SRP54: variants seen among roughly 807,000 people sequenced by gnomAD.
The protein encoded by SRP54 is signal recognition particle subunit SRP54.
A neutral mutation model predicts 64.8 loss-of-function variants in SRP54; 10 were observed. That is an observed-to-expected ratio of 0.15 (90% CI 0.10 to 0.26). SRP54 has a LOEUF of 0.26. Ranked by LOEUF, SRP54 falls within the 10% of genes least tolerant of loss-of-function variation. SRP54 has a pLI of 1.00. For missense variants in SRP54, 325 were observed against 613.7 expected (o/e 0.53, Z 4.97); for synonymous variants, 193 against 185.6 (o/e 1.04, Z -0.32).
intron 1 of SRP54, among the ~76,000 whole-genome samples, chr14:34,991,109 C>CTTTTTTTTTTTTTTTT (rs71435838): frequency 5.4e-5 from 6 of 111,080 alleles, no homozygotes; most frequent in Admixed American, 9.5e-5. Flanking sequence ...AATTTCTTTT[C>CTTTTTTTTTTTTTTTT]TTTTTTTTTT....
chr14:35,018,573 A>G, intron 11 of SRP54, 119 bp from the exon 12 acceptor site: 1 of 762,172 alleles, frequency 1.3e-6, no homozygotes, highest in Admixed American at 2.8e-5. Flanking sequence ...GTGAATATTT[A>G]TTGATGTATA....
chr14:35,006,551 G>A (rs1407596138), intron 4 of SRP54, among the ~76,000 whole-genome samples: 1 of 151,912 alleles, frequency 6.6e-6, no homozygotes, highest in Non-Finnish European at 1.5e-5. Context: ...TAATTTTTTA[G>A]ATGTATTGGG....
chr14:35,021,038 T>A (rs1479792941), intron 13 of SRP54, among the ~76,000 whole-genome samples: 1 of 152,230 alleles, frequency 6.6e-6, no homozygotes, highest in Non-Finnish European at 1.5e-5. Flanking sequence ...AATATATATG[T>A]TTCATAAATC....
At chr14:34,988,578 A>AAAAAAAAAAAAAAAATATAT (rs1384552218) in intron 1 of SRP54, among the ~76,000 whole-genome samples, 2 of 47,102 alleles carry the variant, frequency 4.2e-5, no homozygotes, top group Non-Finnish European at 9.6e-5. Flanking sequence ...AAAAAAAAAA[A>AAAAAAAAAAAAAAAATATAT]ATATATATAT....
intron 4 of SRP54, among the ~76,000 whole-genome samples, chr14:35,002,118 G>A (rs1445913550): frequency 6.6e-6 from 1 of 152,064 alleles, no homozygotes; most frequent in East Asian, 1.9e-4. Flanking sequence ...ACTGTGGGAG[G>A]CTGAGATGGG....
intron 7 of SRP54, among the ~76,000 whole-genome samples, chr14:35,009,144 TC>T (rs2044314977): frequency 6.6e-6 from 1 of 152,016 alleles, no homozygotes; most frequent in Non-Finnish European, 1.5e-5. Flanking sequence ...TGCCTCAGCC[TC>T]CCAAAGTGCT....
At position 35,029,182 on chromosome 14, in the gene SRP54, T is replaced by C; in HGVS notation, c.*30T>C. On this transcript the variant is annotated 3_prime_UTR_variant, in exon 16 of 16. Coordinates refer to ENST00000216774, the MANE Select transcript of SRP54 (RefSeq NM_003136.4). ...AATGCCTTAATATAAACTGACTCAGTTGAATACCTAATTTGCTGAGACCTC... is the reference window on the plus strand; with the variant it reads ...AATGCCTTAATATAAACTGACTCAGCTGAATACCTAATTTGCTGAGACCTC... 1.9e-6 allele frequency: 3 copies of C among 1,571,568 alleles called. No homozygotes were observed. The highest frequency in any genetic ancestry group is 1.7e-6 in the Non-Finnish European group (2 of 1,146,220).
At chr14:35,016,134 A>G (rs999718078) in intron 11 of SRP54, among the ~76,000 whole-genome samples, 4 of 152,122 alleles carry the variant, frequency 2.6e-5, no homozygotes, top group African/African-American at 7.2e-5. Flanking sequence ...CTGCCCTTCA[A>G]CTATGCTAGT....
At chr14:35,001,093 C>T in intron 4 of SRP54, 73 bp downstream of exon 4, 3 of 581,060 alleles carry the variant, frequency 5.2e-6, no homozygotes, top group Non-Finnish European at 8.2e-6. Context: ...ACAAATATTT[C>T]AGAATTTTTA....
intron 2 of SRP54, among the ~76,000 whole-genome samples, chr14:34,998,696 C>G (rs1397704559): frequency 2.0e-5 from 3 of 151,632 alleles, no homozygotes; most frequent in African/African-American, 7.3e-5. Flanking sequence ...GCCTGTAATC[C>G]CAGCTACTAG....
intron 14 of SRP54, among the ~76,000 whole-genome samples, chr14:35,025,340 T>C (rs1433811538): frequency 6.6e-6 from 1 of 152,230 alleles, no homozygotes; most frequent in Non-Finnish European, 1.5e-5. Flanking sequence ...CCTTTTGTCT[T>C]TGAAGCTTTC....
chr14:34,986,869 C>CT (rs2043903128), intron 1 of SRP54, among the ~76,000 whole-genome samples: 1 of 146,578 alleles, frequency 6.8e-6, no homozygotes, highest in Admixed American at 6.8e-5. Flanking sequence ...GAGTGAGACT[C>CT]TGTCTCAAAA....
chr14:35,023,437 G>A (rs1055974854), intron 14 of SRP54, among the ~76,000 whole-genome samples: 2 of 151,782 alleles, frequency 1.3e-5, no homozygotes, highest in African/African-American at 4.8e-5. Context: ...CTATAACTAA[G>A]TTTTCTTCTG....
chr14:35,022,797 A>C, intron 13 of SRP54, 113 bp from the exon 14 acceptor site: 1 of 740,628 alleles, frequency 1.4e-6, no homozygotes, highest in Non-Finnish European at 2.0e-6. Context: ...TGAGATAGTT[A>C]TCACTTTAAA....
At chr14:35,002,737 CTTTTTTTTTT>C (rs71121258) in intron 4 of SRP54, among the ~76,000 whole-genome samples, 1 of 94,986 alleles carries the variant, frequency 1.1e-5, no homozygotes, top group African/African-American at 3.9e-5. Context: ...GCCTGGCCTC[CTTTTTTTTTT>C]TTTTTTTTTT....
chr14:34,989,466 T>C (rs2043951768), intron 1 of SRP54, among the ~76,000 whole-genome samples: 1 of 151,354 alleles, frequency 6.6e-6, no homozygotes, highest in Non-Finnish European at 1.5e-5. Context: ...CAAAACTCTG[T>C]CTCAAAAAAA....
At chr14:34,995,159 G>GTGTT (rs2044050435) in intron 1 of SRP54, among the ~76,000 whole-genome samples, 1 of 140,800 alleles carries the variant, frequency 7.1e-6, no homozygotes, top group African/African-American at 2.6e-5. Context: ...GTGTGTGTGT[G>GTGTT]TGTGTGTGTG....
At chr14:35,013,719 G>T in intron 9 of SRP54, 83 bp from the exon 10 acceptor site, 1 of 1,270,528 alleles carries the variant, frequency 7.9e-7, no homozygotes. Flanking sequence ...TAGCTTTGGA[G>T]GCGGATTCAC....
At chr14:35,027,873 A>T (rs547496519) in intron 14 of SRP54, 2 of 336,990 alleles carry the variant, frequency 5.9e-6, no homozygotes, top group Non-Finnish European at 1.1e-5. Context: ...ATGTCCTTTT[A>T]TATAGAATTT....
Sources: allele counts gnomAD v4.1 joint callset (sites outside exome capture counted in the v4.1 genomes callset), GRCh38; gene constraint gnomAD v4.1.1; transcripts MANE v1.5; gene names NCBI Gene and HGNC (gene_info 2026-07-23, HGNC 2026-07-21).